CYP4F8: variants seen among roughly 807,000 people sequenced by gnomAD.
CYP4F8 encodes the protein cytochrome P450 family 4 subfamily F member 8.
A neutral mutation model predicts 55.0 loss-of-function variants in CYP4F8; 56 were observed. The observed-to-expected ratio is 1.02, with a 90% CI of 0.82 to 1.27. The LOEUF (loss-of-function observed/expected upper bound fraction) is 1.27. CYP4F8 is among the 50% of genes most tolerant of loss of function. CYP4F8 has a pLI of 0.00. For synonymous variants in CYP4F8, 288 were observed against 267.3 expected, an observed-to-expected ratio of 1.08 and a Z score of -0.76; for missense variants, 680 against 682.4, an observed-to-expected ratio of 1.00 and a Z score of 0.04.
At position 15,623,865 on chromosome 19, in the gene CYP4F8, C is replaced by A. The variant is rs1326767541; in HGVS notation, c.985+100C>A. On this transcript the variant is annotated intron_variant, in intron 8 of 12. Coordinates refer to ENST00000612078, the MANE Select transcript of CYP4F8 (RefSeq NM_007253.4). ...ATCACTTCATTCTGCCCAACCTCCC[C>A]CTCCCCTCAACCTTCCTGAGAGCCT... 6 of 1,595,096 alleles carry A rather than the reference C, an allele frequency of 3.8e-6. 1 individual carries two copies. Among genetic ancestry groups the A allele is most frequent in the Non-Finnish European group, 1.7e-6 (2 of 1,168,504 alleles).
chr19:15,617,492 A>G (rs1425851627), intron 2 of CYP4F8, among the ~76,000 whole-genome samples: 2 of 65,014 alleles, frequency 3.1e-5, no homozygotes, highest in Non-Finnish European at 7.1e-5. Context: ...ACATCTATCT[A>G]TCTATCTATC....
intron 9 of CYP4F8, among the ~76,000 whole-genome samples, chr19:15,626,120 T>A (rs2144610522): frequency 6.6e-6 from 1 of 152,338 alleles, no homozygotes; most frequent in South Asian, 2.1e-4. Flanking sequence ...CTAGTCCTTT[T>A]CTCTTCAGTT....
At position 15,622,385 on chromosome 19, in the gene CYP4F8, T is replaced by C. The variant is rs2072601; in HGVS notation, c.647+45T>C. 6.4e-6 allele frequency: 8 copies of C among 1,247,830 alleles called. No individual in the cohort carries two copies. The Admixed American group carries it at 1.0e-4, about 16-fold the overall frequency. 77.3% of individuals were successfully genotyped at this position (1,247,830 alleles called of 1,614,324 possible). A position where few individuals can be genotyped will look rare whatever the true frequency, so the allele number is the denominator to read the frequency against. On this transcript the variant is annotated intron_variant, in intron 6 of 12. Coordinates refer to ENST00000612078, the MANE Select transcript of CYP4F8 (RefSeq NM_007253.4). ...CTGGGAACATGGGATGGAGTGGGGG[T>C]GTGGGTGTGGGGAGAGCAAAGCCCA...
chr19:15,615,557 G>A, intron 1 of CYP4F8, 59 bp from the exon 2 acceptor site: 2 of 1,557,666 alleles, frequency 1.3e-6, no homozygotes, highest in Non-Finnish European at 1.7e-6. Flanking sequence ...TGGTCCTGGA[G>A]CTCCCCAGCC....
At position 15,629,355 on chromosome 19, in the gene CYP4F8, C is replaced by G; in HGVS notation, c.1560C>G (p.Gly520=). The change falls in exon 13 of 13, where the codon GGC becomes GGG. Residue 520 remains glycine, a synonymous_variant. Transcript: ENST00000612078. ...DGLWLRVEPL[G] ...TTTGGCTGCGAGTAGAACCCCTGGG[C>G]TGAGGCCTGCAGTGACCCACCCACC... 4 of 1,606,278 alleles carry G rather than the reference C, an allele frequency of 2.5e-6. No homozygotes were observed. Among genetic ancestry groups the G allele is most frequent in the Non-Finnish European group, 3.4e-6 (4 of 1,175,990 alleles).
chr19:15,617,238 C>T (rs552691244), intron 2 of CYP4F8, among the ~76,000 whole-genome samples: 1 of 152,316 alleles, frequency 6.6e-6, no homozygotes, highest in East Asian at 1.9e-4. Flanking sequence ...AGGTGGGCTT[C>T]TCCATGAACA....
chr19:15,615,840 T>A lies in CYP4F8; in HGVS notation c.198+26T>A, dbSNP rs778970686. ...GTGAGTGGCAGGAGGATGGATCTAG[T>A]GTCTCAGGGTGGAAGGGTGGAAATG... On this transcript the variant is annotated intron_variant, in intron 2 of 12. Coordinates refer to ENST00000612078, the MANE Select transcript of CYP4F8 (RefSeq NM_007253.4). 5.7e-6 allele frequency: 9 copies of A among 1,586,250 alleles called. No individual in the cohort carries two copies. The South Asian group carries it at 1.0e-4, about 18-fold the overall frequency.
chr19:15,615,496 C>T (rs1337048315), intron 1 of CYP4F8, 120 bp from the exon 2 acceptor site: 5 of 1,196,298 alleles, frequency 4.2e-6, no homozygotes, highest in African/African-American at 3.1e-5. Flanking sequence ...GCCTCTTCCC[C>T]TGAGATTCCC....
chr19:15,615,531 C>A (rs1436512194), intron 1 of CYP4F8, 85 bp from the exon 2 acceptor site: 6 of 1,446,864 alleles, frequency 4.1e-6, no homozygotes, highest in Non-Finnish European at 4.6e-6. Context: ...TGCTCTTAAC[C>A]ATGTTTACCC....
intron 8 of CYP4F8, 73 bp downstream of exon 8, chr19:15,623,838 G>A: frequency 1.2e-6 from 2 of 1,601,556 alleles, no homozygotes; most frequent in South Asian, 2.2e-5. Context: ...GGCCGGCCCT[G>A]AATCACTTCA....
At position 15,619,763 on chromosome 19, in the gene CYP4F8, G is replaced by C; in HGVS notation, c.525+1G>C. 6.2e-7 allele frequency: 1 copy of C among 1,613,756 alleles called. No individual in the cohort carries two copies. The highest frequency in any genetic ancestry group is 8.5e-7 in the Non-Finnish European group (1 of 1,179,752). ...CAGCAAGAGTGCAAACATCATGCATGTGAGTGCCTTGAACTCAGCATCCCA... is the reference window on the plus strand; with the variant it reads ...CAGCAAGAGTGCAAACATCATGCATCTGAGTGCCTTGAACTCAGCATCCCA... On this transcript the variant is annotated splice_donor_variant, in intron 5 of 12. Transcript: ENST00000612078. LOFTEE classifies it high-confidence loss of function.
At position 15,623,998 on chromosome 19, in the gene CYP4F8, T is replaced by C. The variant is rs1409229412; in HGVS notation, c.1019T>C (p.Val340Ala). ...ACCACGGCCAGTGGCCTCTCCTGGGTCTTGTACAACCTCGCGAGGCACCCA... is the reference window on the plus strand; with the variant it reads ...ACCACGGCCAGTGGCCTCTCCTGGGCCTTGTACAACCTCGCGAGGCACCCA... ...HDTTASGLSW[V>A]LYNLARHPEY... Residue 340 changes from valine (V) to alanine (A), a missense_variant, in exon 9 of 13, where the codon GTC becomes GCC. Physicochemically the swap from Val to Ala is moderately conservative, Grantham distance 64. Coordinates refer to ENST00000612078, the MANE Select transcript of CYP4F8 (RefSeq NM_007253.4). 1 of 1,613,932 alleles carries C rather than the reference T, an allele frequency of 6.2e-7. No individual in the cohort carries two copies. The highest frequency in any genetic ancestry group is 2.2e-5 in the East Asian group (1 of 44,878).
chr19:15,628,654 C>G (rs369183159), intron 11 of CYP4F8, 59 bp downstream of exon 11: 13 of 1,606,820 alleles, frequency 8.1e-6, no homozygotes, highest in African/African-American at 2.7e-5. Flanking sequence ...GGTCTTGTCC[C>G]GGAAAACCAG....
intron 3 of CYP4F8, chr19:15,618,564 C>T: frequency 2.9e-6 from 1 of 346,448 alleles, no homozygotes; most frequent in Non-Finnish European, 5.6e-6. Context: ...GTAGCAGGAG[C>T]TGGGTGTGGA....
rs1972312755 is a variant in CYP4F8, at chr19:15,629,770, T to C, written c.*412T>C. ...GCTCAATTGGTTAAGTGACTGTGGC[T>C]GTCCCATGTGTAGAAGCCAAAGATT... On this transcript the variant is annotated 3_prime_UTR_variant, in exon 13 of 13. Transcript: ENST00000612078. The C allele has an allele frequency of 6.2e-6, 1 of 161,260 alleles. No individual in the cohort carries two copies. 10.0% of individuals were successfully genotyped at this position (161,260 alleles called of 1,614,324 possible).
chr19:15,628,528 CA>C lies in CYP4F8; in HGVS notation c.1250-2del. On this transcript the variant is annotated splice_acceptor_variant, in intron 10 of 12. Transcript: ENST00000612078. LOFTEE classifies it high-confidence loss of function. ...GTTCTTACTGTCCTCTCCTGCACGA[CA>C]GGGAATGTCTGTAACATCAACATCT... The C allele has an allele frequency of 6.2e-7, 1 of 1,613,878 alleles. No individual in the cohort carries two copies.
chr19:15,616,537 C>T (rs1443438915), intron 2 of CYP4F8, among the ~76,000 whole-genome samples: 1 of 152,164 alleles, frequency 6.6e-6, no homozygotes, highest in Non-Finnish European at 1.5e-5. Flanking sequence ...CTGTCTAGAA[C>T]CCACTTTCTG....
chr19:15,617,129 A>T (rs1972132941), intron 2 of CYP4F8, among the ~76,000 whole-genome samples: 1 of 152,156 alleles, frequency 6.6e-6, no homozygotes, highest in Non-Finnish European at 1.5e-5. Flanking sequence ...TCCTGAGGCC[A>T]CATTGCTGCC....
At chr19:15,624,978 C>T (rs181996229) in intron 9 of CYP4F8, among the ~76,000 whole-genome samples, 8 of 152,006 alleles carry the variant, frequency 5.3e-5, no homozygotes, top group African/African-American at 7.2e-5. Context: ...AATGTTGCCT[C>T]GCATTGTCTT....
Sources: allele counts gnomAD v4.1 joint callset (sites outside exome capture counted in the v4.1 genomes callset), GRCh38; gene constraint gnomAD v4.1.1; transcripts MANE v1.5; gene names NCBI Gene and HGNC (gene_info 2026-07-23, HGNC 2026-07-21).